The following COL4A4 variants were observed in gnomAD, a reference collection of about 807,000 sequenced individuals.
COL4A4 encodes collagen alpha-4(IV) chain.
Under a neutral mutation model 192.9 loss-of-function variants are expected in COL4A4, and 105 were observed. The ratio of observed to expected loss-of-function variants is 0.54; its 90% confidence interval spans 0.46 to 0.64. COL4A4 has a LOEUF of 0.64. Among genes scored for constraint, COL4A4 ranks in the 30% least tolerant of loss-of-function variants. The pLI is 0.00. For synonymous variants in COL4A4, 762 were observed against 769.9 expected (o/e 0.99, Z 0.17); for missense variants, 1,967 against 2,169.3 (o/e 0.91, Z 1.85).
chr2:227,150,552 T>C (rs1353142154), intron 1 of COL4A4, among the ~76,000 whole-genome samples: 1 of 152,146 alleles, frequency 6.6e-6, no homozygotes. Context: ...ATTAGTCCAT[T>C]CTCAAGCTGC....
At position 227,101,166 on chromosome 2, in the gene COL4A4, T is replaced by C. The variant is rs181988335; in HGVS notation, c.1029+338A>G. Among the ~76,000 whole-genome samples, 812 of 152,236 alleles carry C rather than the reference T, an allele frequency of 5.3e-3. 5 individuals carry two copies. Among genetic ancestry groups the C allele is most frequent in the Non-Finnish European group, 8.7e-3 (592 of 68,024 alleles). On this transcript the variant is annotated intron_variant, in intron 17 of 47. Coordinates refer to ENST00000396625, the MANE Select transcript of COL4A4 (RefSeq NM_000092.5). ...CTCACAAGATAATGGTTTTAAAAAATAGGAGTTTCCCTGTACAAACTCTCT... is the reference window on the plus strand; with the variant it reads ...CTCACAAGATAATGGTTTTAAAAAACAGGAGTTTCCCTGTACAAACTCTCT...
Position 227,103,133 on chromosome 2 carries a change from A to C in COL4A4, c.870+11T>G. On this transcript the variant is annotated intron_variant, in intron 14 of 47. Transcript: ENST00000396625. Reference sequence around the variant, plus strand: ...ACAAATGAAAAAAAAAAAGGTACTTAAATAAACTACCTTGCGTCCTGGTGG... The same window carrying C: ...ACAAATGAAAAAAAAAAAGGTACTTCAATAAACTACCTTGCGTCCTGGTGG... 1 of 1,604,080 alleles carries C rather than the reference A, an allele frequency of 6.2e-7. No homozygotes were observed. Among genetic ancestry groups the C allele is most frequent in the Non-Finnish European group, 8.5e-7 (1 of 1,175,610 alleles).
chr2:227,138,139 T>TAAC (rs2062942358), intron 4 of COL4A4, among the ~76,000 whole-genome samples: 1 of 150,232 alleles, frequency 6.7e-6, no homozygotes, highest in South Asian at 2.1e-4. Context: ...CTACAAATAA[T>TAAC]AATAATAATA....
rs567885422 is a variant in COL4A4 at position 227,083,722 on chromosome 2, A to G, written c.1624-1535T>C. ...TGCTGCCTCTGAAAGTGTTGAGGCT[A>G]CAGGAGTAAGCCACCACACCTGGTC... On this transcript the variant is annotated intron_variant, in intron 22 of 47. Coordinates refer to ENST00000396625, the MANE Select transcript of COL4A4 (RefSeq NM_000092.5). Among the ~76,000 whole-genome samples the G allele has an allele frequency of 1.1e-3, 168 of 152,314 alleles. 1 individual carries two copies. The South Asian group carries it at 0.033, about 30-fold the overall frequency.
intron 20 of COL4A4, among the ~76,000 whole-genome samples, chr2:227,090,816 G>T (rs895284754): frequency 6.8e-6 from 1 of 147,968 alleles, no homozygotes; most frequent in Non-Finnish European, 1.5e-5. Context: ...AAACCCACAG[G>T]ACAAGGAAAA....
intron 42 of COL4A4, among the ~76,000 whole-genome samples, chr2:227,026,824 G>A (rs16823070): frequency 0.05 from 7,595 of 151,968 alleles, 200 homozygotes; most frequent in Admixed American, 0.076. Context: ...GGAATTTACA[G>A]AAAAAAAATT....
intron 24 of COL4A4, among the ~76,000 whole-genome samples, chr2:227,078,450 C>A (rs2059151361): frequency 6.6e-6 from 1 of 152,088 alleles, no homozygotes; most frequent in Non-Finnish European, 1.5e-5. Flanking sequence ...GCCATGTTGG[C>A]CAGGCTGGTC....
At position 227,070,113 on chromosome 2, in the gene COL4A4, A is replaced by G. The variant is rs537427560; in HGVS notation, c.1988-7515T>C. Among the ~76,000 whole-genome samples the G allele has an allele frequency of 7.9e-5, 12 of 151,606 alleles. 1 individual carries two copies. The East Asian group carries it at 2.3e-3, about 29-fold the overall frequency. On this transcript the variant is annotated intron_variant, in intron 25 of 47. Transcript: ENST00000396625. ...ACATTTATGCAGCCAAAAAACAATG[A>G]AAAAATGCTCACCATCACTGGCCAT...
At chr2:227,045,241 A>G (rs187773684) in intron 35 of COL4A4, among the ~76,000 whole-genome samples, 45 of 152,212 alleles carry the variant, frequency 3.0e-4, no homozygotes, top group African/African-American at 9.9e-4. Context: ...CCTCAGGACA[A>G]TCCTGCAGTA....
intron 4 of COL4A4, among the ~76,000 whole-genome samples, chr2:227,122,398 G>A (rs540241190): frequency 6.6e-6 from 1 of 152,230 alleles, no homozygotes; most frequent in African/African-American, 2.4e-5. Flanking sequence ...ATGGATGACT[G>A]CATTAAATAA....
In COL4A4 at chr2:227,045,833, C is replaced by CATATATATAT. The variant is rs1972461653; in HGVS notation, c.3289+1641_3289+1642insATATATATAT. ...ATATATATACACATATATATATATA[C>CATATATATAT]ACACATATATATATACACATATATA... On this transcript the variant is annotated intron_variant, in intron 35 of 47. Transcript: ENST00000396625. Among the ~76,000 whole-genome samples the CATATATATAT allele has an allele frequency of 6.0e-5, 2 of 33,612 alleles. 1 individual carries two copies. The highest frequency in any genetic ancestry group is 3.4e-4 in the African/African-American group (2 of 5,904). The allele number at this position is 33,612 out of a possible 152,430, so 22.1% of individuals were successfully genotyped here.
At position 227,109,251 on chromosome 2, in the gene COL4A4, T is replaced by C. The variant is rs1158216437; in HGVS notation, c.630A>G (p.Thr210=). 2 of 1,614,144 alleles carry C rather than the reference T, an allele frequency of 1.2e-6. No individual in the cohort carries two copies. Among genetic ancestry groups the C allele is most frequent in the Admixed American group, 1.7e-5 (1 of 60,026 alleles). The change falls in exon 10 of 48, where the codon ACA becomes ACG. Residue 210 remains threonine (T), a synonymous_variant. Transcript: ENST00000396625. ...SWGAGGPAGP[T]GYPGEPGLVG... ...CTAACCCTGGCTCTCCAGGATATCC[T>C]GTGGGACCTGCCGGTCCTCCTGCAC...
intron 21 of COL4A4, among the ~76,000 whole-genome samples, chr2:227,089,460 C>A (rs2150604962): frequency 6.6e-6 from 1 of 151,772 alleles, no homozygotes; most frequent in East Asian, 1.9e-4. Context: ...ATTGATGAGT[C>A]TGGGAAATAT....
intron 44 of COL4A4, among the ~76,000 whole-genome samples, chr2:227,014,188 A>G (rs1291795913): frequency 1.3e-5 from 2 of 152,224 alleles, no homozygotes; most frequent in Non-Finnish European, 2.9e-5. Context: ...TAGGAAACAC[A>G]GGGCTAAACA....
chr2:227,083,533 A>G (rs1201131656), intron 22 of COL4A4, among the ~76,000 whole-genome samples: 1 of 152,130 alleles, frequency 6.6e-6, no homozygotes, highest in East Asian at 1.9e-4. Context: ...TGCAGCCTTA[A>G]ACCTCTGGGC....
chr2:226,969,039 C>T, the COL4A4 span: 13 of 209,020 alleles, frequency 6.2e-5, no homozygotes, highest in Admixed American at 3.0e-4. Flanking sequence ...AAAGCCAAGC[C>T]GGGATAAACA....
rs536532622 is a variant in COL4A4, at chr2:227,026,044, G to C, written c.4082-234C>G. 8.5e-4 allele frequency among the ~76,000 whole-genome samples: 129 copies of C among 152,212 alleles called. 5 individuals carry two copies. The South Asian group carries it at 0.026, about 31-fold the overall frequency. ...GTAACGGAGTTTTCATCTCTAGAAT[G>C]ACTTGAAACTCTCTTGAGCAATATA... On this transcript the variant is annotated intron_variant, in intron 42 of 47. Coordinates refer to ENST00000396625, the MANE Select transcript of COL4A4 (RefSeq NM_000092.5).
chr2:227,001,799 ATGTT>A (rs140010172), downstream of COL4A4, among the ~76,000 whole-genome samples: 6,088 of 152,178 alleles, frequency 0.04, 390 homozygotes, highest in African/African-American at 0.14. Context: ...CGGTCAGGGA[ATGTT>A]TGTTAGTTGA....
In COL4A4 at chr2:227,043,118, C is replaced by G. The variant is rs1323096940; in HGVS notation, c.3356G>C (p.Arg1119Thr). 4 of 1,613,894 alleles carry G rather than the reference C, an allele frequency of 2.5e-6. No homozygotes were observed. Among genetic ancestry groups the G allele is most frequent in the Non-Finnish European group, 3.4e-6 (4 of 1,180,026 alleles). ...GIQGPRGSPGRPGPPGSSGPP... is the reference protein window; with the variant it reads ...GIQGPRGSPGTPGPPGSSGPP... ...TCCAGAGGAGCCAGGTGGCCCTGGC[C>G]TTCCAGGTGATCCTCTGGGCCCTTG... is the stretch of plus-strand genomic sequence containing the variant. The change falls in exon 36 of 48, where the codon AGG becomes ACG. Residue 1119 changes from arginine to threonine, a missense_variant. Arg to Thr is a moderately conservative substitution (Grantham distance 71). Transcript: ENST00000396625.
Sources: allele counts gnomAD v4.1 joint callset (sites outside exome capture counted in the v4.1 genomes callset), GRCh38; gene constraint gnomAD v4.1.1; transcripts MANE v1.5; gene names NCBI Gene and HGNC (gene_info 2026-07-23, HGNC 2026-07-21).